MYO18B: variants seen among roughly 807,000 people sequenced by gnomAD.
MYO18B encodes unconventional myosin-XVIIIb.
Under a neutral mutation model 273.0 loss-of-function variants are expected in MYO18B, and 204 were observed. The observed-to-expected ratio is 0.75, with a 90% CI of 0.67 to 0.84. The LOEUF is 0.84. Ranked by LOEUF, MYO18B falls within the 40% of genes least tolerant of loss-of-function variation. The pLI is 0.00. For synonymous variants in MYO18B, 1,330 were observed against 1,305.7 expected, an observed-to-expected ratio of 1.02 and a Z score of -0.40; for missense variants, 3,212 against 3,287.6, an observed-to-expected ratio of 0.98 and a Z score of 0.56.
the MYO18B span, among the ~76,000 whole-genome samples, chr22:26,049,208 G>T: frequency 5.3e-5 from 8 of 152,306 alleles, no homozygotes; most frequent in South Asian, 1.7e-3. Context: ...CCAGCCCCCA[G>T]CACCTGTTCA....
intron 39 of MYO18B, among the ~76,000 whole-genome samples, chr22:25,980,564 C>G (rs546875384): frequency 3.3e-4 from 50 of 152,110 alleles, no homozygotes; most frequent in Non-Finnish European, 6.8e-4. Flanking sequence ...TAGATGTTAT[C>G]TATACTCATA....
intron 28 of MYO18B, chr22:25,896,350 A>G (rs2091800568): frequency 6.6e-6 from 1 of 151,980 alleles, no homozygotes; most frequent in African/African-American, 2.4e-5. Context: ...GGGTTTGTCA[A>G]TGCAACGGTC....
At chr22:25,798,870 G>A (rs1424388126) in intron 12 of MYO18B, among the ~76,000 whole-genome samples, 1 of 152,090 alleles carries the variant, frequency 6.6e-6, no homozygotes, top group Non-Finnish European at 1.5e-5. Context: ...CAGCCAAGGT[G>A]CTGTGTTTCT....
intron 39 of MYO18B, 29 bp from the exon 40 acceptor site, chr22:25,992,334 C>T: frequency 6.2e-7 from 1 of 1,612,018 alleles, no homozygotes; most frequent in Non-Finnish European, 8.5e-7. Flanking sequence ...TGCCCAAGGC[C>T]AACGTGTGTT....
intron 34 of MYO18B, among the ~76,000 whole-genome samples, chr22:25,939,040 C>T (rs547085935): frequency 2.6e-5 from 4 of 152,264 alleles, no homozygotes; most frequent in African/African-American, 7.2e-5. Context: ...GTCTGGAACT[C>T]GTGGCCTCAA....
At chr22:25,888,255 A>G (rs2091560008) in intron 25 of MYO18B, among the ~76,000 whole-genome samples, 1 of 151,968 alleles carries the variant, frequency 6.6e-6, no homozygotes, top group South Asian at 2.1e-4. Flanking sequence ...AGAGTCCTAT[A>G]ATTTGCATTT....
At chr22:25,907,326 T>C (rs1430156998) in intron 31 of MYO18B, among the ~76,000 whole-genome samples, 2 of 152,228 alleles carry the variant, frequency 1.3e-5, no homozygotes, top group Non-Finnish European at 2.9e-5. Flanking sequence ...TATGCACGGC[T>C]CTATGCCTGT....
chr22:25,914,842 G>T (rs1431520603), intron 33 of MYO18B, among the ~76,000 whole-genome samples: 34 of 151,028 alleles, frequency 2.3e-4, no homozygotes, highest in Non-Finnish European at 3.5e-4. Flanking sequence ...GACTACAGGC[G>T]CCTGCCACCA....
chr22:25,755,927 C>A (rs917032233), intron 1 of MYO18B, among the ~76,000 whole-genome samples: 1 of 151,876 alleles, frequency 6.6e-6, no homozygotes, highest in Non-Finnish European at 1.5e-5. Context: ...TCTTTCCCCC[C>A]ACCCCCGTTG....
the MYO18B span, among the ~76,000 whole-genome samples, chr22:26,037,418 G>A: frequency 6.6e-6 from 1 of 152,186 alleles, no homozygotes; most frequent in African/African-American, 2.4e-5. Context: ...GCCTGAGTTA[G>A]CAGTGCAGAA....
intron 34 of MYO18B, among the ~76,000 whole-genome samples, chr22:25,932,292 C>T (rs2092514002): frequency 1.3e-5 from 2 of 151,966 alleles, no homozygotes; most frequent in Non-Finnish European, 2.9e-5. Flanking sequence ...GACATGGTGC[C>T]CCTGTATCCT....
intron 10 of MYO18B, among the ~76,000 whole-genome samples, chr22:25,783,942 C>A (rs1399335706): frequency 1.3e-5 from 2 of 152,206 alleles, no homozygotes; most frequent in Non-Finnish European, 2.9e-5. Context: ...CCAACTTGGT[C>A]CGTCACCCAT....
intron 42 of MYO18B, among the ~76,000 whole-genome samples, chr22:26,023,495 C>CCTT (rs71191101): frequency 1.4e-5 from 2 of 144,358 alleles, no homozygotes; most frequent in Non-Finnish European, 3.0e-5. Flanking sequence ...TCCTCCTCCT[C>CCTT]TACCTCCTCC....
chr22:25,917,737 C>T (rs1385618478), intron 33 of MYO18B, among the ~76,000 whole-genome samples: 1 of 152,274 alleles, frequency 6.6e-6, no homozygotes, highest in South Asian at 2.1e-4. Context: ...TGTCCCTTTA[C>T]ATTGCTCTCC....
rs574224254 is a variant in MYO18B, at chr22:25,796,269, C to A, written c.2377-1684C>A. ...ATAATCCATAAACATCTGATCATGTCATTTTCTGTTTCCTTCTGTTAAAAT... is the reference window on the plus strand; with the variant it reads ...ATAATCCATAAACATCTGATCATGTAATTTTCTGTTTCCTTCTGTTAAAAT... On this transcript the variant is annotated intron_variant, in intron 11 of 43. Coordinates refer to ENST00000335473, the MANE Select transcript of MYO18B (RefSeq NM_032608.7). Among the ~76,000 whole-genome samples, 446 of 152,214 alleles carry A rather than the reference C, an allele frequency of 2.9e-3. 1 individual carries two copies. The highest frequency in any genetic ancestry group is 0.014 in the Middle Eastern group (4 of 294).
chr22:25,784,267 T>C (rs2087284852), intron 10 of MYO18B, among the ~76,000 whole-genome samples: 3 of 152,350 alleles, frequency 2.0e-5, no homozygotes, highest in African/African-American at 7.2e-5. Flanking sequence ...ACCAGGTAGA[T>C]GCTTCTTAAT....
chr22:26,017,640 A>T (rs1935466235), intron 42 of MYO18B, among the ~76,000 whole-genome samples: 1 of 152,146 alleles, frequency 6.6e-6, no homozygotes, highest in South Asian at 2.1e-4. Flanking sequence ...TTATTTTTCA[A>T]ATTTAATTTT....
chr22:25,783,676 G>A (rs1006070618), intron 10 of MYO18B, among the ~76,000 whole-genome samples: 28 of 152,338 alleles, frequency 1.8e-4, no homozygotes, highest in Middle Eastern at 6.8e-3. Flanking sequence ...GGCTAGCAGA[G>A]GATGCCAGAC....
intron 25 of MYO18B, chr22:25,884,826 G>A (rs2091450099): frequency 6.6e-6 from 1 of 152,152 alleles, no homozygotes; most frequent in African/African-American, 2.4e-5. Context: ...AAGTCTCTTA[G>A]CCTTTGTTTC....
Sources: gnomAD v4.1 joint callset for allele counts (sites outside exome capture counted in the v4.1 genomes callset) on GRCh38, gnomAD v4.1.1 for gene constraint, MANE v1.5 for transcripts, NCBI Gene and HGNC (gene_info 2026-07-23, HGNC 2026-07-21) for gene names.